The following LCA5 variants were observed in gnomAD, a reference collection of about 807,000 sequenced individuals.
LCA5 encodes lebercilin.
Under a neutral mutation model 53.0 loss-of-function variants are expected in LCA5, and 37 were observed. The ratio of observed to expected loss-of-function variants is 0.70; its 90% CI spans 0.54 to 0.92. The LOEUF (loss-of-function observed/expected upper bound fraction) is 0.92, where lower values mean the gene tolerates loss of function less well. Ranked by LOEUF, LCA5 falls within the 40% of genes least tolerant of loss-of-function variation. The probability of loss-of-function intolerance (pLI) is 0.00; values close to 1 mark genes in which losing one functional copy is unlikely to be tolerated. For synonymous variants in LCA5, 303 were observed against 282.9 expected (o/e 1.07, Z -0.71); for missense variants, 806 against 790.5 (o/e 1.02, Z -0.23).
At chr6:79,490,547 A>T (rs1289470031) in intron 6 of LCA5, among the ~76,000 whole-genome samples, 1 of 152,154 alleles carries the variant, frequency 6.6e-6, no homozygotes, top group African/African-American at 2.4e-5. Context: ...TTTAAAGTTA[A>T]CAATTACTTT....
At chr6:79,533,792 AGTTTT>A (rs1448936365) in intron 1 of LCA5, among the ~76,000 whole-genome samples, 1 of 151,862 alleles carries the variant, frequency 6.6e-6, no homozygotes, top group Non-Finnish European at 1.5e-5. Context: ...AAACCATCTT[AGTTTT>A]AAGAAAAAAA....
intron 2 of LCA5, 41 bp from the exon 3 acceptor site, chr6:79,513,782 C>A: frequency 6.3e-7 from 1 of 1,583,146 alleles, no homozygotes; most frequent in South Asian, 1.1e-5. Context: ...AAAGCTGTAC[C>A]AAACACAGTG....
chr6:79,500,070 C>T, intron 3 of LCA5, among the ~76,000 whole-genome samples: 1 of 151,578 alleles, frequency 6.6e-6, no homozygotes, highest in Non-Finnish European at 1.5e-5. Flanking sequence ...TGTATATGTG[C>T]CACATTTTCT....
At chr6:79,538,753 G>T (rs1767230211), upstream of LCA5, among the ~76,000 whole-genome samples, 1 of 152,232 alleles carries the variant, frequency 6.6e-6, no homozygotes, top group South Asian at 2.1e-4. Context: ...ATTGCTGAAG[G>T]AGAGCTGAGA....
intron 3 of LCA5, among the ~76,000 whole-genome samples, chr6:79,503,837 A>T (rs972360879): frequency 6.6e-6 from 1 of 152,278 alleles, no homozygotes; most frequent in African/African-American, 2.4e-5. Flanking sequence ...CTCAGAACTT[A>T]ATAGGTTAAA....
At chr6:79,496,269 T>C (rs746700841) in intron 3 of LCA5, among the ~76,000 whole-genome samples, 11 of 152,164 alleles carry the variant, frequency 7.2e-5, no homozygotes. Context: ...TGGAAAACAG[T>C]TGGGCAGTAA....
At chr6:79,531,593 T>C (rs1582658166) in intron 1 of LCA5, among the ~76,000 whole-genome samples, 1 of 152,286 alleles carries the variant, frequency 6.6e-6, no homozygotes, top group East Asian at 1.9e-4. Flanking sequence ...AGCTCACCAA[T>C]GACATTCACC....
At position 79,487,150 on chromosome 6, in the gene LCA5, C is replaced by T. The variant is rs1582609697; in HGVS notation, c.1948G>A (p.Glu650Lys). ...LPGNKGSRDQ[E>K]HDEDEGFFLS... ...AAAAAGCCTTCATCTTCATCATGTT[C>T]TTGATCTCTGCTGCCTTTATTCCCA... The change falls in exon 8 of 8, where the codon GAA (glutamate) becomes AAA (lysine). Residue 650 changes from glutamate (E) to lysine (K), a missense_variant. Transcript: ENST00000369846. The T allele has an allele frequency of 6.2e-7, 1 of 1,613,986 alleles. No homozygotes were observed. The highest frequency in any genetic ancestry group is 1.1e-5 in the South Asian group (1 of 91,086).
chr6:79,492,575 T>C lies in LCA5; in HGVS notation c.931A>G (p.Lys311Glu), dbSNP rs953858376. The C allele has an allele frequency of 6.5e-7, 1 of 1,550,000 alleles. No homozygotes were observed. Residue 311 changes from lysine (K) to glutamate (E), a missense_variant, in exon 5 of 8, where the codon AAA (lysine) becomes GAA (glutamate). By Grantham distance (56) the Lys-to-Glu change is moderately conservative. Transcript: ENST00000369846. ...RLPKSSPNKE[K>E]ELALRKNAAC... The stretch of plus-strand genomic sequence containing the variant: ...CCATTTTTTCTTAATGCAAGTTCTT[T>C]CTCTTTATTTGGAGAGGACTTTGGC...
chr6:79,528,580 A>G (rs148508317), intron 1 of LCA5, among the ~76,000 whole-genome samples: 12 of 152,302 alleles, frequency 7.9e-5, no homozygotes, highest in African/African-American at 2.6e-4. Flanking sequence ...TAATCCCAAT[A>G]TACATGTTAA....
chr6:79,495,750 C>CA lies in LCA5; in HGVS notation c.721-2001dup, dbSNP rs10637240. On this transcript the variant is annotated intron_variant, in intron 3 of 7. Coordinates refer to ENST00000369846, the MANE Select transcript of LCA5 (RefSeq NM_001122769.3). ...TGGGTGACAGAGCAAGACTCCATCT[C>CA]AAAAAAAAAAAAAAAAAAAGTCGGT... 6.4e-3 allele frequency among the ~76,000 whole-genome samples: 472 copies of CA among 73,562 alleles called. 3 individuals carry two copies. Among genetic ancestry groups the CA allele is most frequent in the African/African-American group, 7.9e-3 (158 of 20,062 alleles). 48.3% of individuals were successfully genotyped at this position (73,562 alleles called of 152,430 possible). A position where few individuals can be genotyped will look rare whatever the true frequency, so the allele number is the denominator to read the frequency against.
At chr6:79,493,096 T>C (rs1315392256) in intron 4 of LCA5, among the ~76,000 whole-genome samples, 4 of 152,132 alleles carry the variant, frequency 2.6e-5, no homozygotes, top group Non-Finnish European at 4.4e-5. Flanking sequence ...TAAGATAATA[T>C]ATAATTTTGC....
intron 2 of LCA5, 71 bp from the exon 3 acceptor site, chr6:79,513,812 C>A: frequency 4.3e-6 from 6 of 1,382,040 alleles, no homozygotes; most frequent in Non-Finnish European, 6.1e-6. Flanking sequence ...CATCCTAACA[C>A]AAGTGGGTCC....
In LCA5 at chr6:79,486,609, CTTAAT is replaced by C. The variant is rs2127665012; in HGVS notation, c.*390_*394del. 5.6e-6 allele frequency: 1 copy of C among 178,078 alleles called. No individual in the cohort carries two copies. The highest frequency in any genetic ancestry group is 1.3e-4 in the South Asian group (1 of 7,654). 11.0% of individuals were successfully genotyped at this position (178,078 alleles called of 1,614,324 possible). On this transcript the variant is annotated 3_prime_UTR_variant, in exon 8 of 8. Coordinates refer to ENST00000369846, the MANE Select transcript of LCA5 (RefSeq NM_001122769.3). Reference sequence around the variant, plus strand: ...ACACTTCCCAACACAGACTTTCACCCTTAATTTTCATTCAACAATTAGTGGGAAGA... The same window carrying C: ...ACACTTCCCAACACAGACTTTCACCCTTTCATTCAACAATTAGTGGGAAGA...
At chr6:79,530,902 C>G (rs537378047) in intron 1 of LCA5, among the ~76,000 whole-genome samples, 1 of 152,046 alleles carries the variant, frequency 6.6e-6, no homozygotes, top group Admixed American at 6.6e-5. Context: ...AAACAAATAA[C>G]GATGAGGTAA....
chr6:79,501,691 T>C (rs1485365), intron 3 of LCA5, among the ~76,000 whole-genome samples: 73,325 of 150,078 alleles, frequency 0.49, 19,125 homozygotes, highest in East Asian at 0.82. Flanking sequence ...TAGTATATTG[T>C]ATATTCTATA....
intron 3 of LCA5, among the ~76,000 whole-genome samples, chr6:79,503,616 T>G (rs1035422812): frequency 2.0e-5 from 3 of 152,198 alleles, no homozygotes; most frequent in African/African-American, 4.8e-5. Flanking sequence ...CACTCATATA[T>G]TAGGTGTCCA....
intron 3 of LCA5, among the ~76,000 whole-genome samples, chr6:79,509,748 G>A (rs1368030870): frequency 6.6e-6 from 1 of 152,046 alleles, no homozygotes; most frequent in Non-Finnish European, 1.5e-5. Context: ...AGAATTGAGA[G>A]CATTTTAAAA....
Position 79,513,473 on chromosome 6 carries a change from G to C in LCA5, c.459C>G (p.Ala153=). ...ATATAAGTTGTGAGATTTCATTTTC[G>C]GCATCTTCAAACTTATTCAGGGCTT... ...QEKALNKFED[A]ENEISQLIFR... is the part of the protein sequence containing the mutation. The change falls in exon 3 of 8, where the codon GCC becomes GCG. Residue 153 remains alanine (A), a synonymous_variant. Transcript: ENST00000369846. 2.5e-6 allele frequency: 4 copies of C among 1,613,482 alleles called. No homozygotes were observed. Among genetic ancestry groups the C allele is most frequent in the Non-Finnish European group, 3.4e-6 (4 of 1,179,812 alleles).
Sources: gnomAD v4.1 joint callset for allele counts (sites outside exome capture counted in the v4.1 genomes callset) on GRCh38, gnomAD v4.1.1 for gene constraint, MANE v1.5 for transcripts, NCBI Gene and HGNC (gene_info 2026-07-23, HGNC 2026-07-21) for gene names.